The following PTPRD variants were observed in gnomAD, a reference collection of about 807,000 sequenced individuals.
PTPRD encodes the protein receptor-type tyrosine-protein phosphatase delta.
Under a neutral mutation model 214.5 loss-of-function variants are expected in PTPRD, and 34 were observed. That is an observed-to-expected ratio of 0.16 (90% confidence interval 0.12 to 0.21). The LOEUF (loss-of-function observed/expected upper bound fraction) is 0.21, where lower values mean the gene tolerates loss of function less well. PTPRD is among the 10% of genes least tolerant of loss of function. The pLI, the probability that PTPRD is intolerant of heterozygous loss-of-function variation, is 1.00. For synonymous variants in PTPRD, 1,128 were observed against 845.7 expected (o/e 1.33, Z -5.79); for missense variants, 2,545 against 2,398.7 (o/e 1.06, Z -1.27).
rs776655204 is a variant in PTPRD at position 8,484,370 on chromosome 9, A to G, written c.3162T>C (p.Tyr1054=). 6.2e-7 allele frequency: 1 copy of G among 1,613,260 alleles called. No individual in the cohort carries two copies. The highest frequency in any genetic ancestry group is 1.1e-5 in the South Asian group (1 of 91,046). The change falls in exon 30 of 46, where the codon TAT becomes TAC. Residue 1054 remains tyrosine, a synonymous_variant. Transcript: ENST00000381196. ...YNSAMPFKIL[Y]DDGKMVEEVD... is the part of the protein sequence containing the mutation. Reference sequence around the variant, plus strand: ...CTTCTTCTACCATTTTCCCATCATCATAAAGAATCTAAAGAGATAAAACCA... The same window carrying G: ...CTTCTTCTACCATTTTCCCATCATCGTAAAGAATCTAAAGAGATAAAACCA...
chr9:9,866,948 C>T (rs2064119478), intron 5 of PTPRD, among the ~76,000 whole-genome samples: 1 of 152,060 alleles, frequency 6.6e-6, no homozygotes, highest in Non-Finnish European at 1.5e-5. Context: ...ACAGCTTATA[C>T]TAATTTGTTC....
chr9:9,775,946 C>T (rs1435321917), intron 5 of PTPRD, among the ~76,000 whole-genome samples: 1 of 98,704 alleles, frequency 1.0e-5, no homozygotes, highest in Admixed American at 1.4e-4. Flanking sequence ...CAGAGCAAGA[C>T]TCTGTCTCAA....
intron 11 of PTPRD, among the ~76,000 whole-genome samples, chr9:8,993,882 G>A (rs768940363): frequency 3.9e-5 from 6 of 152,066 alleles, no homozygotes; most frequent in Non-Finnish European, 7.4e-5. Flanking sequence ...GGGACACAAT[G>A]TAAACATGAG....
At chr9:10,296,361 C>G (rs1393586503) in intron 3 of PTPRD, among the ~76,000 whole-genome samples, 4 of 151,880 alleles carry the variant, frequency 2.6e-5, no homozygotes, top group Non-Finnish European at 2.9e-5. Context: ...AGGAAAGGAC[C>G]CCCCTCACCC....
chr9:9,358,177 G>C, intron 9 of PTPRD, among the ~76,000 whole-genome samples: 1 of 151,152 alleles, frequency 6.6e-6, no homozygotes, highest in East Asian at 1.9e-4. Flanking sequence ...CTGTTCAAAG[G>C]TACTTGTAAC....
At chr9:9,662,286 A>T (rs961372327) in intron 7 of PTPRD, among the ~76,000 whole-genome samples, 1 of 151,654 alleles carries the variant, frequency 6.6e-6, no homozygotes, top group Non-Finnish European at 1.5e-5. Context: ...ATTCAACTCT[A>T]TATGTAGTAG....
intron 2 of PTPRD, among the ~76,000 whole-genome samples, chr9:10,365,605 A>G (rs1242851621): frequency 2.0e-5 from 3 of 152,156 alleles, no homozygotes; most frequent in Non-Finnish European, 4.4e-5. Context: ...ACTCCAGATT[A>G]TCGACTTCTA....
At chr9:8,768,112 A>C (rs112511732) in intron 11 of PTPRD, among the ~76,000 whole-genome samples, 4 of 152,222 alleles carry the variant, frequency 2.6e-5, no homozygotes, top group African/African-American at 9.6e-5. Flanking sequence ...AAAGATATTA[A>C]GTGTGGGCGT....
intron 2 of PTPRD, among the ~76,000 whole-genome samples, chr9:10,480,302 C>G (rs1329539017): frequency 2.0e-5 from 3 of 152,116 alleles, no homozygotes; most frequent in Non-Finnish European, 4.4e-5. Context: ...CCATTCTCTA[C>G]CAGGCAGCTG....
intron 9 of PTPRD, among the ~76,000 whole-genome samples, chr9:9,343,892 A>G (rs1191800256): frequency 1.3e-5 from 2 of 152,170 alleles, no homozygotes; most frequent in East Asian, 3.9e-4. Flanking sequence ...TCCAATACCA[A>G]TGAGAAGAAA....
intron 5 of PTPRD, among the ~76,000 whole-genome samples, chr9:9,898,510 T>C (rs2075607755): frequency 6.6e-6 from 1 of 152,104 alleles, no homozygotes; most frequent in Non-Finnish European, 1.5e-5. Flanking sequence ...GATTACTTCA[T>C]GTGATTTCAT....
intron 14 of PTPRD, among the ~76,000 whole-genome samples, chr9:8,564,232 G>C (rs193177309): frequency 1.3e-5 from 2 of 152,158 alleles, no homozygotes; most frequent in East Asian, 3.9e-4. Flanking sequence ...GTTTAAAATT[G>C]GGTAGGCTAA....
At position 9,698,759 on chromosome 9, in the gene PTPRD, A is replaced by G. The variant is rs114476256; in HGVS notation, c.-287+35774T>C. Among the ~76,000 whole-genome samples, 569 of 152,274 alleles carry G rather than the reference A, an allele frequency of 3.7e-3. 4 individuals are homozygous for G. The highest frequency in any genetic ancestry group is 0.012 in the African/African-American group (517 of 41,568). On this transcript the variant is annotated intron_variant, in intron 7 of 45. Coordinates refer to ENST00000381196, the MANE Select transcript of PTPRD (RefSeq NM_002839.4). ...TGTTCAATTTGATCTCACTCTTGTA[A>G]TGGAGTATCCATAAGTCTCGGAGAA...
chr9:10,257,655 G>C (rs767796013), intron 3 of PTPRD, among the ~76,000 whole-genome samples: 1 of 152,150 alleles, frequency 6.6e-6, no homozygotes, highest in Non-Finnish European at 1.5e-5. Flanking sequence ...TGTAATATCT[G>C]AGAGGAGAGA....
intron 14 of PTPRD, among the ~76,000 whole-genome samples, chr9:8,577,173 A>C (rs895853356): frequency 6.6e-6 from 1 of 152,222 alleles, no homozygotes; most frequent in African/African-American, 2.4e-5. Context: ...TTCTGTGAAT[A>C]CACATCACTT....
intron 5 of PTPRD, among the ~76,000 whole-genome samples, chr9:9,915,633 G>C (rs1040247266): frequency 6.7e-6 from 1 of 149,532 alleles, no homozygotes; most frequent in Non-Finnish European, 1.5e-5. Context: ...AGACCACCAA[G>C]CAGAAGAAAC....
At chr9:8,709,706 A>G (rs950032040) in intron 12 of PTPRD, among the ~76,000 whole-genome samples, 2 of 152,256 alleles carry the variant, frequency 1.3e-5, no homozygotes, top group East Asian at 1.9e-4. Flanking sequence ...GTTGTCTGTC[A>G]ATATAAAAAA....
intron 3 of PTPRD, among the ~76,000 whole-genome samples, chr9:10,040,587 C>T (rs992798616): frequency 3.9e-5 from 6 of 151,932 alleles, no homozygotes; most frequent in Admixed American, 3.3e-4. Flanking sequence ...TACTTAGCAA[C>T]GAGAGGCTAT....
At chr9:9,048,589 G>T (rs770229767) in intron 10 of PTPRD, among the ~76,000 whole-genome samples, 1 of 152,094 alleles carries the variant, frequency 6.6e-6, no homozygotes, top group Non-Finnish European at 1.5e-5. Flanking sequence ...ACTTATTTGT[G>T]GGACCTAAAC....
Sources: allele counts gnomAD v4.1 joint callset (sites outside exome capture counted in the v4.1 genomes callset), GRCh38; gene constraint gnomAD v4.1.1; transcripts MANE v1.5; gene names NCBI Gene and HGNC (gene_info 2026-07-23, HGNC 2026-07-21).